DGKB: variants seen among roughly 807,000 people sequenced by gnomAD.
The protein encoded by DGKB is diacylglycerol kinase beta, also known as 90 kDa diacylglycerol kinase.
DGKB carries 67 observed loss-of-function variants against 114.3 expected under a neutral mutation model. The observed-to-expected ratio is 0.59, with a 90% CI of 0.48 to 0.72. DGKB has a LOEUF of 0.72. Among genes scored for constraint, DGKB ranks in the 30% least tolerant of loss-of-function variants. The pLI is 0.00. For synonymous variants in DGKB, 398 were observed against 323.1 expected, an observed-to-expected ratio of 1.23 and a Z score of -2.49; for missense variants, 907 against 975.2, an observed-to-expected ratio of 0.93 and a Z score of 0.93.
At position 14,178,122 on chromosome 7, in the gene DGKB, C is replaced by T. The variant is rs372727774; in HGVS notation, c.2152G>A (p.Gly718Ser). Reference sequence around the variant, plus strand: ...CCCATCTCCATGGCTCCTTCCAAGCCGACCACCTCCAGCAGCTGGTCACTG... The same window carrying T: ...CCCATCTCCATGGCTCCTTCCAAGCTGACCACCTCCAGCAGCTGGTCACTG... ...DLSDQLLEVVGLEGAMEMGQI... is the reference protein window; with the variant it reads ...DLSDQLLEVVSLEGAMEMGQI... Residue 718 changes from glycine (G) to serine (S), a missense_variant, in exon 24 of 26, where the codon GGC becomes AGC. By Grantham distance (56) the Gly-to-Ser change is moderately conservative. Transcript: ENST00000402815. The T allele has an allele frequency of 3.1e-5, 50 of 1,613,212 alleles. No homozygotes were observed. Among genetic ancestry groups the T allele is most frequent in the Middle Eastern group, 1.6e-4 (1 of 6,080 alleles).
intron 20 of DGKB, among the ~76,000 whole-genome samples, chr7:14,512,587 C>T (rs896660128): frequency 3.9e-5 from 6 of 151,986 alleles, no homozygotes; most frequent in Admixed American, 6.6e-5. Flanking sequence ...TTCCTATAGA[C>T]GTCTCAGGTT....
intron 23 of DGKB, among the ~76,000 whole-genome samples, chr7:14,279,374 C>T (rs1248143823): frequency 6.6e-6 from 1 of 152,084 alleles, no homozygotes; most frequent in African/African-American, 2.4e-5. Flanking sequence ...CTGGGTGGAG[C>T]CCACCACAGC....
chr7:14,450,204 A>G (rs761011332), intron 21 of DGKB, among the ~76,000 whole-genome samples: 19 of 152,128 alleles, frequency 1.2e-4, no homozygotes, highest in Non-Finnish European at 7.4e-5. Flanking sequence ...GTTAACACCA[A>G]ATTCCTGAAT....
At chr7:14,564,128 G>T (rs1797059636) in intron 20 of DGKB, among the ~76,000 whole-genome samples, 1 of 152,220 alleles carries the variant, frequency 6.6e-6, no homozygotes, top group East Asian at 1.9e-4. Context: ...TTGTCTGCTT[G>T]CTCTGTGCTG....
intron 23 of DGKB, among the ~76,000 whole-genome samples, chr7:14,308,774 T>G (rs1804887270): frequency 6.6e-6 from 1 of 152,184 alleles, no homozygotes; most frequent in South Asian, 2.1e-4. Flanking sequence ...CCTTAGAGAT[T>G]ATGCCAGGAT....
intron 21 of DGKB, among the ~76,000 whole-genome samples, chr7:14,372,695 C>G (rs1391695875): frequency 6.6e-6 from 1 of 151,850 alleles, no homozygotes; most frequent in African/African-American, 2.4e-5. Context: ...ATTTATTAAT[C>G]TATACTCTTA....
At chr7:14,188,745 C>CA (rs1783859947) in intron 23 of DGKB, among the ~76,000 whole-genome samples, 1 of 148,572 alleles carries the variant, frequency 6.7e-6, no homozygotes, top group Admixed American at 6.7e-5. Context: ...ATCAAACCGT[C>CA]AAAAGTCAAA....
intron 2 of DGKB, among the ~76,000 whole-genome samples, chr7:14,810,373 A>C (rs1038886888): frequency 2.0e-5 from 3 of 150,088 alleles, no homozygotes; most frequent in Admixed American, 1.3e-4. Flanking sequence ...AGCCATGTTT[A>C]GACTACAACA....
intron 2 of DGKB, among the ~76,000 whole-genome samples, chr7:14,820,115 A>G (rs1461418364): frequency 6.6e-6 from 1 of 152,180 alleles, no homozygotes; most frequent in Non-Finnish European, 1.5e-5. Flanking sequence ...TCATTGTAGT[A>G]GGAATTACCT....
At chr7:14,433,265 A>C (rs1828746591) in intron 21 of DGKB, among the ~76,000 whole-genome samples, 1 of 152,074 alleles carries the variant, frequency 6.6e-6, no homozygotes, top group African/African-American at 2.4e-5. Context: ...TTTTTTTGAG[A>C]CTTCATTGCA....
At chr7:14,157,633 G>T (rs1348598326) in intron 25 of DGKB, among the ~76,000 whole-genome samples, 1 of 152,124 alleles carries the variant, frequency 6.6e-6, no homozygotes, top group African/African-American at 2.4e-5. Context: ...TTCATACCTG[G>T]ATTTGAAATC....
chr7:14,667,425 A>G (rs988961394), intron 13 of DGKB, among the ~76,000 whole-genome samples: 1 of 152,060 alleles, frequency 6.6e-6, no homozygotes, highest in Non-Finnish European at 1.5e-5. Flanking sequence ...AAAACTAGAC[A>G]TCTTAAGTTC....
At chr7:14,578,606 G>C (rs1449489772) in intron 19 of DGKB, among the ~76,000 whole-genome samples, 5 of 152,194 alleles carry the variant, frequency 3.3e-5, no homozygotes, top group Non-Finnish European at 7.3e-5. Flanking sequence ...AGCTAAGCCT[G>C]AAAATGTACC....
chr7:14,370,530 C>A (rs546171387), intron 21 of DGKB, among the ~76,000 whole-genome samples: 34 of 152,250 alleles, frequency 2.2e-4, no homozygotes, highest in Admixed American at 1.8e-3. Context: ...TGGCCATTTT[C>A]ATGATATTGA....
chr7:14,612,448 C>T (rs1181300500), intron 16 of DGKB, among the ~76,000 whole-genome samples: 2 of 152,074 alleles, frequency 1.3e-5, no homozygotes, highest in Non-Finnish European at 2.9e-5. Flanking sequence ...GGATAATAAT[C>T]TTACACTCTT....
At chr7:14,544,219 T>C (rs1443748931) in intron 20 of DGKB, among the ~76,000 whole-genome samples, 1 of 152,052 alleles carries the variant, frequency 6.6e-6, no homozygotes, top group Non-Finnish European at 1.5e-5. Context: ...GGAAGAAAAA[T>C]GTTCTCGCTT....
At chr7:14,400,236 C>A (rs1327313428) in intron 21 of DGKB, among the ~76,000 whole-genome samples, 1 of 151,594 alleles carries the variant, frequency 6.6e-6, no homozygotes, top group Non-Finnish European at 1.5e-5. Flanking sequence ...AGTAAATAGT[C>A]AGAATAACCC....
At chr7:14,217,417 A>G (rs1789167982) in intron 23 of DGKB, among the ~76,000 whole-genome samples, 1 of 152,008 alleles carries the variant, frequency 6.6e-6, no homozygotes, top group Non-Finnish European at 1.5e-5. Context: ...AATCTGTATA[A>G]TTTCACTTTT....
chr7:14,854,650 C>A (rs1473388817), intron 1 of DGKB, among the ~76,000 whole-genome samples: 1 of 152,314 alleles, frequency 6.6e-6, no homozygotes, highest in South Asian at 2.1e-4. Context: ...ACTTCCTGGC[C>A]CACTGCTCAC....
Sources: gnomAD v4.1 joint callset for allele counts (sites outside exome capture counted in the v4.1 genomes callset) on GRCh38, gnomAD v4.1.1 for gene constraint, MANE v1.5 for transcripts, NCBI Gene and HGNC (gene_info 2026-07-23, HGNC 2026-07-21) for gene names.